ZNF827: variants seen among roughly 807,000 people sequenced by gnomAD.
ZNF827 encodes the protein zinc finger protein 827.
ZNF827 carries 13 observed loss-of-function variants against 102.4 expected under a neutral mutation model. The observed-to-expected ratio is 0.13, with a 90% CI of 0.08 to 0.20. The LOEUF is 0.20. Among genes scored for constraint, ZNF827 ranks in the 10% least tolerant of loss-of-function variants. The probability of loss-of-function intolerance (pLI) is 1.00; values close to 1 mark genes in which losing one functional copy is unlikely to be tolerated. For synonymous variants in ZNF827, 523 were observed against 536.2 expected (o/e 0.98, Z 0.34); for missense variants, 1,103 against 1,344.4 (o/e 0.82, Z 2.81).
chr4:145,904,378 A>C (rs951803266), intron 1 of ZNF827, among the ~76,000 whole-genome samples: 6 of 152,242 alleles, frequency 3.9e-5, no homozygotes, highest in African/African-American at 1.2e-4. Context: ...ATAGCATGCC[A>C]GAGGGTGATA....
intron 1 of ZNF827, among the ~76,000 whole-genome samples, chr4:145,936,288 C>G (rs1261957336): frequency 6.6e-6 from 1 of 152,006 alleles, no homozygotes; most frequent in East Asian, 1.9e-4. Context: ...AGCCTCCCAA[C>G]TCGCCCTCCC....
intron 1 of ZNF827, among the ~76,000 whole-genome samples, chr4:145,933,696 A>C (rs190461684): frequency 6.6e-6 from 1 of 152,286 alleles, no homozygotes; most frequent in African/African-American, 2.4e-5. Context: ...GGCATCAGGT[A>C]AATTTCCAAT....
At chr4:145,829,381 TTAG>T (rs1370870770) in intron 7 of ZNF827, among the ~76,000 whole-genome samples, 1 of 152,150 alleles carries the variant, frequency 6.6e-6, no homozygotes, top group African/African-American at 2.4e-5. Flanking sequence ...ACAAATTACC[TTAG>T]TAGATTTTTT....
At chr4:145,772,085 T>C (rs1465919802) in intron 11 of ZNF827, among the ~76,000 whole-genome samples, 1 of 152,162 alleles carries the variant, frequency 6.6e-6, no homozygotes, top group Non-Finnish European at 1.5e-5. Context: ...AACTTCCACA[T>C]AGATTACAGA....
intron 4 of ZNF827, 47 bp downstream of exon 4, chr4:145,885,630 GA>G (rs774730006): frequency 2.7e-6 from 4 of 1,491,288 alleles, no homozygotes; most frequent in Non-Finnish European, 3.6e-6. Flanking sequence ...GAGAGAGAGA[GA>G]GAGAGAGAGA....
intron 8 of ZNF827, among the ~76,000 whole-genome samples, chr4:145,819,285 G>C (rs75576195): frequency 6.6e-6 from 1 of 152,030 alleles, no homozygotes; most frequent in Non-Finnish European, 1.5e-5. Flanking sequence ...CTTCACACCC[G>C]CCCTGGTTGT....
intron 7 of ZNF827, among the ~76,000 whole-genome samples, chr4:145,843,822 T>C (rs996067110): frequency 6.6e-6 from 1 of 152,166 alleles, no homozygotes; most frequent in South Asian, 2.1e-4. Flanking sequence ...TTGAAGCTAG[T>C]GAACCTTCCT....
intron 7 of ZNF827, among the ~76,000 whole-genome samples, chr4:145,824,031 C>T (rs574800198): frequency 2.6e-5 from 4 of 152,278 alleles, no homozygotes; most frequent in Admixed American, 2.0e-4. Context: ...CCCACAGAAA[C>T]GAAAACTGCA....
At chr4:145,859,651 G>A (rs1470681309) in intron 5 of ZNF827, among the ~76,000 whole-genome samples, 1 of 152,186 alleles carries the variant, frequency 6.6e-6, no homozygotes, top group Non-Finnish European at 1.5e-5. Context: ...TACAAGTAGT[G>A]TAAGCGACTC....
At chr4:145,893,865 G>T (rs745783174) in intron 2 of ZNF827, among the ~76,000 whole-genome samples, 2 of 151,730 alleles carry the variant, frequency 1.3e-5, no homozygotes, top group Non-Finnish European at 2.9e-5. Context: ...CAAGACAAAC[G>T]ACCCAGTTTC....
intron 6 of ZNF827, among the ~76,000 whole-genome samples, chr4:145,848,501 G>A (rs1746198580): frequency 6.6e-6 from 1 of 152,168 alleles, no homozygotes; most frequent in African/African-American, 2.4e-5. Flanking sequence ...TTGAACATTA[G>A]TAACAGGCTT....
chr4:145,935,834 G>A (rs975313987), intron 1 of ZNF827, among the ~76,000 whole-genome samples: 2 of 152,104 alleles, frequency 1.3e-5, no homozygotes, highest in Admixed American at 1.3e-4. Flanking sequence ...GTCGCAGGAG[G>A]TCAGGGTCAA....
intron 1 of ZNF827, among the ~76,000 whole-genome samples, chr4:145,914,417 C>A (rs192049893): frequency 3.9e-5 from 6 of 152,182 alleles, no homozygotes; most frequent in East Asian, 1.9e-4. Flanking sequence ...GCACAAGAAT[C>A]CATGAGAGCA....
At chr4:145,930,573 A>G (rs1479166461) in intron 1 of ZNF827, among the ~76,000 whole-genome samples, 3 of 152,236 alleles carry the variant, frequency 2.0e-5, no homozygotes, top group African/African-American at 7.2e-5. Flanking sequence ...TTTCTTAAAA[A>G]CAGAAGCAAA....
intron 8 of ZNF827, among the ~76,000 whole-genome samples, chr4:145,793,557 T>A (rs1256491692): frequency 2.6e-5 from 4 of 151,710 alleles, no homozygotes; most frequent in African/African-American, 9.7e-5. Context: ...TGCTTTATAT[T>A]TGCTGGCAGC....
intron 7 of ZNF827, among the ~76,000 whole-genome samples, chr4:145,838,143 C>T (rs1745061216): frequency 6.6e-6 from 1 of 152,164 alleles, no homozygotes; most frequent in Non-Finnish European, 1.5e-5. Context: ...TGAAGAATCA[C>T]AAAAGAAGTG....
chr4:145,805,383 C>T (rs1163902132), intron 8 of ZNF827, among the ~76,000 whole-genome samples: 1 of 151,782 alleles, frequency 6.6e-6, no homozygotes, highest in Non-Finnish European at 1.5e-5. Context: ...AAAAAAAATC[C>T]CCAAATTTCA....
intron 1 of ZNF827, among the ~76,000 whole-genome samples, chr4:145,932,356 T>A (rs2126999125): frequency 6.6e-6 from 1 of 152,300 alleles, no homozygotes; most frequent in Non-Finnish European, 1.5e-5. Context: ...CCAGACAGAA[T>A]CCGAACGCAA....
chr4:145,814,738 A>T (rs575381023), intron 8 of ZNF827, among the ~76,000 whole-genome samples: 1 of 150,908 alleles, frequency 6.6e-6, no homozygotes, highest in East Asian at 1.9e-4. Flanking sequence ...AGCCTGGCCA[A>T]CATGGTGAAA....
Sources: gnomAD v4.1 joint callset for allele counts (sites outside exome capture counted in the v4.1 genomes callset) on GRCh38, gnomAD v4.1.1 for gene constraint, MANE v1.5 for transcripts, NCBI Gene and HGNC (gene_info 2026-07-23, HGNC 2026-07-21) for gene names.